RBFOX3: variants seen among roughly 807,000 people sequenced by gnomAD.
RBFOX3 encodes RNA binding fox-1 homolog 3.
A neutral mutation model predicts 48.7 loss-of-function variants in RBFOX3; 17 were observed. That is an observed-to-expected ratio of 0.35 (90% confidence interval 0.24 to 0.52). The LOEUF (loss-of-function observed/expected upper bound fraction) is 0.52. Ranked by LOEUF, RBFOX3 falls within the 20% of genes least tolerant of loss-of-function variation. The pLI, the probability that RBFOX3 is intolerant of heterozygous loss-of-function variation, is 0.94. For synonymous variants in RBFOX3, 212 were observed against 209.5 expected (o/e 1.01, Z -0.10); for missense variants, 382 against 497.5 (o/e 0.77, Z 2.21).
chr17:79,206,302 C>G (rs1322709370), intron 4 of RBFOX3, among the ~76,000 whole-genome samples: 1 of 152,078 alleles, frequency 6.6e-6, no homozygotes, highest in African/African-American at 2.4e-5. Context: ...CCTAACACTT[C>G]CAAAGGCTAT....
chr17:79,213,718 C>A (rs1321176233), intron 4 of RBFOX3, among the ~76,000 whole-genome samples: 2 of 152,234 alleles, frequency 1.3e-5, no homozygotes, highest in East Asian at 1.9e-4. Context: ...GCACCGCCAA[C>A]AAATGTTGAC....
At chr17:79,646,732 G>GC in the RBFOX3 span, among the ~76,000 whole-genome samples, 4 of 152,084 alleles carry the variant, frequency 2.6e-5, no homozygotes, top group Non-Finnish European at 5.9e-5. Flanking sequence ...AACCTGACCT[G>GC]CCCATTTGCT....
intron 2 of RBFOX3, among the ~76,000 whole-genome samples, chr17:79,469,924 G>A (rs1225248775): frequency 6.6e-6 from 1 of 152,162 alleles, no homozygotes; most frequent in Non-Finnish European, 1.5e-5. Context: ...GAGCACGCAT[G>A]GAGATGGAAG....
In RBFOX3 at chr17:79,482,964, G is replaced by T. The variant is rs1000611230; in HGVS notation, c.-319-366C>A. 7.7e-4 allele frequency among the ~76,000 whole-genome samples: 114 copies of T among 148,402 alleles called. 1 individual carries two copies. Among genetic ancestry groups the T allele is most frequent in the African/African-American group, 2.5e-3 (98 of 39,916 alleles). Reference sequence around the variant, plus strand: ...CCCATCGCCTTTCCCACTACCGCCCGCTCTTGCTTCCTCCCCCACCCAGCC... The same window carrying T: ...CCCATCGCCTTTCCCACTACCGCCCTCTCTTGCTTCCTCCCCCACCCAGCC... On this transcript the variant is annotated intron_variant, in intron 1 of 14. Coordinates refer to ENST00000693108, the MANE Select transcript of RBFOX3 (RefSeq NM_001350451.2). This position sits in a 1 kb window ranked among gnomAD's most constrained non-coding sequence, Gnocchi z 4.1.
At chr17:79,127,045 C>A (rs1342436834) in intron 4 of RBFOX3, among the ~76,000 whole-genome samples, 1 of 152,220 alleles carries the variant, frequency 6.6e-6, no homozygotes, top group Admixed American at 6.5e-5. Context: ...CAGCTTTGCC[C>A]ATCCTGGCTG....
chr17:79,184,475 A>C (rs2052983337), intron 4 of RBFOX3, among the ~76,000 whole-genome samples: 1 of 152,086 alleles, frequency 6.6e-6, no homozygotes, highest in Admixed American at 6.5e-5. Flanking sequence ...CTGTGCACAC[A>C]CCTGCAGCTT....
At chr17:79,641,225 A>G in the RBFOX3 span, among the ~76,000 whole-genome samples, 2 of 152,222 alleles carry the variant, frequency 1.3e-5, no homozygotes, top group Non-Finnish European at 2.9e-5. Flanking sequence ...ACTATCAGAG[A>G]AATGCAAAGC....
At chr17:79,512,550 C>T (rs1052724404) in intron 1 of RBFOX3, among the ~76,000 whole-genome samples, 2 of 149,638 alleles carry the variant, frequency 1.3e-5, no homozygotes, top group African/African-American at 4.9e-5. Context: ...GGGTACAGCC[C>T]CATGGCCAGG....
intron 2 of RBFOX3, among the ~76,000 whole-genome samples, chr17:79,332,305 T>C (rs1020820695): frequency 4.6e-5 from 7 of 151,762 alleles, no homozygotes; most frequent in Non-Finnish European, 8.8e-5. Flanking sequence ...TCTTTTTTTA[T>C]GCTGCTGAGC....
At chr17:79,509,020 C>G (rs2083643373) in intron 1 of RBFOX3, among the ~76,000 whole-genome samples, 1 of 152,140 alleles carries the variant, frequency 6.6e-6, no homozygotes, top group Non-Finnish European at 1.5e-5. Flanking sequence ...CACGTCCGGG[C>G]CCCCCGAAGG....
intron 2 of RBFOX3, among the ~76,000 whole-genome samples, chr17:79,340,542 A>G (rs1268550170): frequency 1.3e-5 from 2 of 152,144 alleles, no homozygotes; most frequent in Non-Finnish European, 2.9e-5. Context: ...GGGCAGAGTG[A>G]CTTCACTGCA....
chr17:79,188,110 G>A (rs117731074), intron 4 of RBFOX3, among the ~76,000 whole-genome samples: 2,583 of 152,322 alleles, frequency 0.017, 33 homozygotes, highest in Non-Finnish European at 0.026. Context: ...ATGAGCCGTC[G>A]GTGCAGCCCT....
intron 4 of RBFOX3, among the ~76,000 whole-genome samples, chr17:79,225,521 C>T (rs972130365): frequency 6.6e-6 from 1 of 152,180 alleles, no homozygotes; most frequent in Non-Finnish European, 1.5e-5. Context: ...AAACTCCTGA[C>T]CTCAAGTGAT....
rs1207044826 is a variant in RBFOX3, at chr17:79,106,654, G to A, written c.357C>T (p.Phe119=). 8.1e-6 allele frequency: 12 copies of A among 1,475,480 alleles called. No individual in the cohort carries two copies. Among genetic ancestry groups the A allele is most frequent in the Middle Eastern group, 1.8e-4 (1 of 5,630 alleles). The allele number at this position is 1,475,480 out of a possible 1,614,324, so 91.4% of individuals were successfully genotyped here. Residue 119 remains phenylalanine (F), a synonymous_variant, in exon 6 of 15, where the codon TTC becomes TTT. Transcript: ENST00000693108. ...RFRDPDLRQM[F]GQFGKILDVE... is the part of the protein sequence containing the mutation. ...GGGTGGGGCCGCGCACACTCACCCCGAACATTTGCCGCAAGTCGGGGTCCC... is the reference window on the plus strand; with the variant it reads ...GGGTGGGGCCGCGCACACTCACCCCAAACATTTGCCGCAAGTCGGGGTCCC...
At chr17:79,406,881 T>A (rs1277164001) in intron 2 of RBFOX3, among the ~76,000 whole-genome samples, 1 of 152,196 alleles carries the variant, frequency 6.6e-6, no homozygotes, top group Non-Finnish European at 1.5e-5. Context: ...CGAAGCTGGC[T>A]CCAGACTCCT....
chr17:79,407,073 T>A (rs1323976809), intron 2 of RBFOX3, among the ~76,000 whole-genome samples: 1 of 152,252 alleles, frequency 6.6e-6, no homozygotes, highest in East Asian at 1.9e-4. Flanking sequence ...GCCATGGCAA[T>A]CTTGGCTCAC....
chr17:79,523,401 G>A (rs1165240740), intron 1 of RBFOX3, among the ~76,000 whole-genome samples: 1 of 152,324 alleles, frequency 6.6e-6, no homozygotes, highest in Non-Finnish European at 1.5e-5. Flanking sequence ...ACCCCACTGT[G>A]TTTCAAGTGT....
chr17:79,095,594 A>G lies in RBFOX3; in HGVS notation c.937-20T>C. 1 of 1,548,290 alleles carries G rather than the reference A, an allele frequency of 6.5e-7. No individual in the cohort carries two copies. The highest frequency in any genetic ancestry group is 2.4e-5 in the East Asian group (1 of 40,848). On this transcript the variant is annotated intron_variant, in intron 12 of 14. Transcript: ENST00000693108. ...GCCTCCCTGCAGGGTAAGTGGGAGG[A>G]GAGAGAGCAGAGGGACTTAGTGGGG... is the stretch of plus-strand genomic sequence containing the variant.
intron 2 of RBFOX3, among the ~76,000 whole-genome samples, chr17:79,464,825 T>A (rs998465308): frequency 6.6e-6 from 1 of 152,350 alleles, no homozygotes; most frequent in Admixed American, 6.5e-5. Flanking sequence ...GCCGCTCAGA[T>A]GCCAGCAACG....
Sources: allele counts gnomAD v4.1 joint callset (sites outside exome capture counted in the v4.1 genomes callset), GRCh38; gene constraint gnomAD v4.1.1; non-coding constraint Gnocchi (gnomAD v3.1); transcripts MANE v1.5; gene names NCBI Gene and HGNC (gene_info 2026-07-23, HGNC 2026-07-21).